C1QTNF3: variants seen among roughly 807,000 people sequenced by gnomAD.
The protein encoded by C1QTNF3 is C1q and TNF related 3.
Under a neutral mutation model 32.6 loss-of-function variants are expected in C1QTNF3, and 26 were observed. The observed-to-expected ratio is 0.80, with a 90% CI of 0.58 to 1.11. C1QTNF3 has a LOEUF of 1.11. Ranked by LOEUF, C1QTNF3 falls within the 50% of genes least tolerant of loss-of-function variation. The pLI, the probability that C1QTNF3 is intolerant of heterozygous loss-of-function variation, is 0.00. For missense variants in C1QTNF3, 362 were observed against 398.2 expected (o/e 0.91, Z 0.77); for synonymous variants, 155 against 146.0 (o/e 1.06, Z -0.44).
At chr5:34,168,667 A>G in the C1QTNF3 span, 2 of 152,058 alleles carry the variant, frequency 1.3e-5, no homozygotes, top group African/African-American at 4.8e-5. Flanking sequence ...ATTTTGGACT[A>G]TAGGTAGTGA....
chr5:34,035,800 G>T, intron 1 of C1QTNF3, 42 bp from the exon 2 acceptor site: 1 of 1,474,914 alleles, frequency 6.8e-7, no homozygotes, highest in Non-Finnish European at 9.4e-7. Context: ...AAAGGTACTT[G>T]TGAGCAATTA....
rs11343903 is a variant in C1QTNF3 at position 34,017,918 on chromosome 5, T to TA, written c.*2664dup. On this transcript the variant is annotated 3_prime_UTR_variant, in exon 6 of 6. Transcript: ENST00000382065. Reference sequence around the variant, plus strand: ...AATGCTCATGACATATTATTTGTAATAAAAAAAAAATAATATTTTCCAAAA... The same window carrying TA: ...AATGCTCATGACATATTATTTGTAATAAAAAAAAAAATAATATTTTCCAAAA... Among the ~76,000 whole-genome samples, 10 of 150,762 alleles carry TA rather than the reference T, an allele frequency of 6.6e-5. No homozygotes were observed. The highest frequency in any genetic ancestry group is 1.0e-4 in the Non-Finnish European group (7 of 67,638).
intron 5 of C1QTNF3, among the ~76,000 whole-genome samples, chr5:34,022,766 C>G (rs1754367159): frequency 6.6e-6 from 1 of 152,184 alleles, no homozygotes; most frequent in Admixed American, 6.5e-5. Flanking sequence ...AAGCTTGCAA[C>G]AGCAAGCTTT....
chr5:34,140,887 T>A, the C1QTNF3 span, among the ~76,000 whole-genome samples: 1 of 152,180 alleles, frequency 6.6e-6, no homozygotes, highest in Admixed American at 6.5e-5. Flanking sequence ...TAAATCAATA[T>A]GTTGCTTGGG....
chr5:34,025,847 G>T (rs1030851957), intron 4 of C1QTNF3, among the ~76,000 whole-genome samples: 10 of 152,200 alleles, frequency 6.6e-5, no homozygotes, highest in African/African-American at 2.2e-4. Flanking sequence ...ATAGTTGTAA[G>T]AAAATTATGA....
the C1QTNF3 span, among the ~76,000 whole-genome samples, chr5:34,084,725 C>G: frequency 2.7e-5 from 4 of 147,278 alleles, no homozygotes; most frequent in African/African-American, 7.8e-5. Context: ...TGGACATTAG[C>G]CCTTTGTCAG....
At chr5:34,022,244 G>A (rs1027062348) in intron 5 of C1QTNF3, among the ~76,000 whole-genome samples, 1 of 152,182 alleles carries the variant, frequency 6.6e-6, no homozygotes, top group African/African-American at 2.4e-5. Flanking sequence ...GTAAGTTTCT[G>A]AGGAAATGGG....
At chr5:34,232,914 A>T in the C1QTNF3 span, among the ~76,000 whole-genome samples, 1 of 150,152 alleles carries the variant, frequency 6.7e-6, no homozygotes, top group East Asian at 2.0e-4. Flanking sequence ...GTTAATGCCT[A>T]AAACTTTGAT....
the C1QTNF3 span, among the ~76,000 whole-genome samples, chr5:34,212,086 C>G: frequency 6.6e-6 from 1 of 151,940 alleles, no homozygotes; most frequent in African/African-American, 2.4e-5. Flanking sequence ...ACAGAGCCCT[C>G]AGAAATAACG....
the C1QTNF3 span, among the ~76,000 whole-genome samples, chr5:34,234,149 C>T: frequency 1.3e-5 from 2 of 152,088 alleles, no homozygotes; most frequent in African/African-American, 4.8e-5. Context: ...CATAAAGTTA[C>T]ATTAACACTT....
the C1QTNF3 span, among the ~76,000 whole-genome samples, chr5:34,092,258 T>C: frequency 3.3e-5 from 5 of 151,792 alleles, no homozygotes; most frequent in Admixed American, 2.0e-4. Context: ...ATTTTCCAAA[T>C]AGTTGCATTG....
chr5:34,061,229 C>T, the C1QTNF3 span, among the ~76,000 whole-genome samples: 1 of 152,168 alleles, frequency 6.6e-6, no homozygotes, highest in South Asian at 2.1e-4. Flanking sequence ...AGATGGGTTC[C>T]CATGGTACTG....
Position 34,018,487 on chromosome 5 carries a change from G to A in C1QTNF3, c.*2096C>T, listed in dbSNP as rs1202906199. On this transcript the variant is annotated 3_prime_UTR_variant, in exon 6 of 6. Transcript: ENST00000382065. The stretch of plus-strand genomic sequence containing the variant: ...TCCTCTACTAGGTTGAAAAATTAGG[G>A]AAGGTAAGAATTGTACTTTAAATGC... Among the ~76,000 whole-genome samples the A allele has an allele frequency of 6.6e-6, 1 of 152,144 alleles. No individual in the cohort carries two copies. Among genetic ancestry groups the A allele is most frequent in the Non-Finnish European group, 1.5e-5 (1 of 68,036 alleles).
chr5:34,060,445 GAAA>G, the C1QTNF3 span, among the ~76,000 whole-genome samples: 1 of 152,186 alleles, frequency 6.6e-6, no homozygotes, highest in Non-Finnish European at 1.5e-5. Flanking sequence ...TAGAAACACA[GAAA>G]AGGCAGAGTA....
chr5:34,088,105 CAA>C, the C1QTNF3 span, among the ~76,000 whole-genome samples: 1 of 152,380 alleles, frequency 6.6e-6, no homozygotes, highest in South Asian at 2.1e-4. Flanking sequence ...ATATGGTGCT[CAA>C]TAAGCAAGAG....
chr5:34,238,980 G>A, the C1QTNF3 span, among the ~76,000 whole-genome samples: 108 of 152,312 alleles, frequency 7.1e-4, 1 homozygote, highest in Middle Eastern at 3.4e-3. Context: ...GAGATTAAGA[G>A]CCTATGTCCA....
At chr5:34,035,793 G>T in intron 1 of C1QTNF3, 35 bp from the exon 2 acceptor site, 3 of 1,528,118 alleles carry the variant, frequency 2.0e-6, no homozygotes, top group Non-Finnish European at 2.7e-6. Flanking sequence ...CAGAAAAAAA[G>T]GTACTTGTGA....
intron 3 of C1QTNF3, among the ~76,000 whole-genome samples, chr5:34,032,745 A>C (rs1313841457): frequency 6.6e-6 from 1 of 152,202 alleles, no homozygotes; most frequent in Non-Finnish European, 1.5e-5. Context: ...GCAGTGAGCC[A>C]AGATCGTGCC....
chr5:34,132,406 A>AATAT, the C1QTNF3 span, among the ~76,000 whole-genome samples: 13 of 143,484 alleles, frequency 9.1e-5, no homozygotes, highest in East Asian at 2.1e-4. Context: ...CAACAACAAA[A>AATAT]ATATATATAT....
Sources: gnomAD v4.1 joint callset for allele counts (sites outside exome capture counted in the v4.1 genomes callset) on GRCh38, gnomAD v4.1.1 for gene constraint, MANE v1.5 for transcripts, NCBI Gene and HGNC (gene_info 2026-07-23, HGNC 2026-07-21) for gene names.